Variants in CDH4 observed in about 807,000 individuals in gnomAD.
CDH4 encodes cadherin-4.
A neutral mutation model predicts 86.0 loss-of-function variants in CDH4; 33 were observed. The observed-to-expected ratio is 0.38, with a 90% CI of 0.29 to 0.51. The LOEUF is 0.51. Ranked by LOEUF, CDH4 falls within the 20% of genes least tolerant of loss-of-function variation. The pLI is 0.86. For missense variants in CDH4, 1,114 were observed against 1,307.4 expected, an observed-to-expected ratio of 0.85 and a Z score of 2.28; for synonymous variants, 555 against 549.4, an observed-to-expected ratio of 1.01 and a Z score of -0.14.
chr20:61,891,777 G>A (rs1984833085), intron 7 of CDH4, among the ~76,000 whole-genome samples: 1 of 152,168 alleles, frequency 6.6e-6, no homozygotes. Context: ...CCACCTCCCG[G>A]GTCCAACCGC....
At position 61,401,849 on chromosome 20, in the gene CDH4, G is replaced by A. The variant is rs188001265; in HGVS notation, c.169+146912G>A. Among the ~76,000 whole-genome samples, 271 of 152,296 alleles carry A rather than the reference G, an allele frequency of 1.8e-3. 1 individual carries two copies. The highest frequency in any genetic ancestry group is 4.4e-3 in the Admixed American group (68 of 15,304). ...CCCTGCAGTCATCTGCTGGAACGGAGGCCCATGAAAGAAGGAGAAGGGAGC... is the reference window on the plus strand; with the variant it reads ...CCCTGCAGTCATCTGCTGGAACGGAAGCCCATGAAAGAAGGAGAAGGGAGC... On this transcript the variant is annotated intron_variant, in intron 2 of 15. Coordinates refer to ENST00000614565, the MANE Select transcript of CDH4 (RefSeq NM_001794.5).
At chr20:61,350,219 A>G (rs113302164) in intron 2 of CDH4, among the ~76,000 whole-genome samples, 4 of 9,832 alleles carry the variant, frequency 4.1e-4, no homozygotes, top group Admixed American at 1.7e-3. Flanking sequence ...AGGCCAGCGG[A>G]ACACCTCTGA....
chr20:61,488,052 C>T (rs2085605985), intron 2 of CDH4, among the ~76,000 whole-genome samples: 1 of 152,214 alleles, frequency 6.6e-6, no homozygotes. Flanking sequence ...GGCAGAATAA[C>T]TTAGGCAAAG....
At chr20:61,429,204 C>T (rs900304033) in intron 2 of CDH4, among the ~76,000 whole-genome samples, 15 of 152,124 alleles carry the variant, frequency 9.9e-5, no homozygotes, top group Non-Finnish European at 1.8e-4. Flanking sequence ...TTATAACCAA[C>T]CCTTGAGGTA....
chr20:61,314,414 A>G (rs776609958), intron 2 of CDH4, among the ~76,000 whole-genome samples: 10 of 152,158 alleles, frequency 6.6e-5, no homozygotes, highest in Non-Finnish European at 1.3e-4. Flanking sequence ...CGTGTCCTCC[A>G]GTTTCATCCA....
intron 2 of CDH4, among the ~76,000 whole-genome samples, chr20:61,380,045 A>G (rs2084891486): frequency 6.6e-6 from 1 of 152,180 alleles, no homozygotes; most frequent in Admixed American, 6.5e-5. Context: ...TTGAATATTC[A>G]ACAAAAGCAA....
intron 9 of CDH4, among the ~76,000 whole-genome samples, chr20:61,919,997 G>GCA: frequency 7.9e-6 from 1 of 126,144 alleles, no homozygotes; most frequent in African/African-American, 3.0e-5. Flanking sequence ...TTGCATGGAA[G>GCA]TGTGGTGTCA....
chr20:61,305,232 G>A (rs2084410268), intron 2 of CDH4, among the ~76,000 whole-genome samples: 2 of 152,084 alleles, frequency 1.3e-5, no homozygotes, highest in South Asian at 2.1e-4. Context: ...TGTGATTTTT[G>A]TTTTTCTTTG....
chr20:61,308,007 G>T (rs547617286), intron 2 of CDH4, among the ~76,000 whole-genome samples: 2 of 152,172 alleles, frequency 1.3e-5, no homozygotes, highest in African/African-American at 2.4e-5. Context: ...GCCACATGCC[G>T]AGTCCAGGCA....
intron 3 of CDH4, among the ~76,000 whole-genome samples, chr20:61,745,525 C>T (rs1474971995): frequency 1.3e-5 from 2 of 152,224 alleles, no homozygotes; most frequent in Admixed American, 1.3e-4. Context: ...GTGTGTTAAA[C>T]CAAGCAGCAG....
intron 2 of CDH4, among the ~76,000 whole-genome samples, chr20:61,312,261 T>G (rs1232360118): frequency 6.6e-6 from 1 of 151,160 alleles, no homozygotes; most frequent in Non-Finnish European, 1.5e-5. Context: ...TGTATATGTG[T>G]GTAATGTGTC....
intron 4 of CDH4, among the ~76,000 whole-genome samples, chr20:61,791,083 C>A (rs530183819): frequency 1.3e-5 from 2 of 152,330 alleles, no homozygotes; most frequent in African/African-American, 4.8e-5. Context: ...ACGCTTAAGG[C>A]CTTTCAAGTA....
intron 2 of CDH4, among the ~76,000 whole-genome samples, chr20:61,675,849 C>T (rs1165873337): frequency 6.6e-6 from 1 of 152,208 alleles, no homozygotes; most frequent in Middle Eastern, 3.2e-3. Context: ...TGGGCTCAGC[C>T]AAGCACTCCC....
intron 2 of CDH4, among the ~76,000 whole-genome samples, chr20:61,590,642 G>T (rs1198045538): frequency 1.1e-4 from 17 of 152,016 alleles, no homozygotes; most frequent in Non-Finnish European, 2.2e-4. Context: ...GCCAGGCTCT[G>T]ACCTCAGGCA....
At chr20:61,901,466 G>A (rs1182269441) in intron 8 of CDH4, among the ~76,000 whole-genome samples, 1 of 152,256 alleles carries the variant, frequency 6.6e-6, no homozygotes, top group Non-Finnish European at 1.5e-5. Flanking sequence ...ACTACAGCTG[G>A]CTGTGTCCCC....
chr20:61,636,529 C>A lies in CDH4; in HGVS notation c.170-107034C>A, dbSNP rs578008777. Among the ~76,000 whole-genome samples the A allele has an allele frequency of 7.0e-4, 107 of 152,386 alleles. 1 individual carries two copies. Among genetic ancestry groups the A allele is most frequent in the African/African-American group, 2.5e-3 (106 of 41,590 alleles). ...ATCCCTGTTCCCGTCGCAGGGCTGT[C>A]CCCGGCAGCCTTGCTGCCTTTTACT... is the stretch of plus-strand genomic sequence containing the variant. On this transcript the variant is annotated intron_variant, in intron 2 of 15. Coordinates refer to ENST00000614565, the MANE Select transcript of CDH4 (RefSeq NM_001794.5).
intron 2 of CDH4, among the ~76,000 whole-genome samples, chr20:61,639,133 A>C (rs1272740025): frequency 6.6e-6 from 1 of 152,258 alleles, no homozygotes; most frequent in Non-Finnish European, 1.5e-5. Flanking sequence ...GACGTCCCAC[A>C]GTATCTGGCG....
At chr20:61,364,117 G>A (rs1190025877) in intron 2 of CDH4, among the ~76,000 whole-genome samples, 1 of 152,156 alleles carries the variant, frequency 6.6e-6, no homozygotes, top group Non-Finnish European at 1.5e-5. Flanking sequence ...ACAGGAAAAG[G>A]CCTGGCACCT....
At chr20:61,305,359 T>G (rs1428414846) in intron 2 of CDH4, among the ~76,000 whole-genome samples, 1 of 152,198 alleles carries the variant, frequency 6.6e-6, no homozygotes, top group African/African-American at 2.4e-5. Flanking sequence ...TAGTGATCAG[T>G]GTGCTGTGAA....
Sources: gnomAD v4.1 joint callset for allele counts (sites outside exome capture counted in the v4.1 genomes callset) on GRCh38, gnomAD v4.1.1 for gene constraint, MANE v1.5 for transcripts, NCBI Gene and HGNC (gene_info 2026-07-23, HGNC 2026-07-21) for gene names.